The following TMEM59 variants were observed in gnomAD, a reference collection of about 807,000 sequenced individuals.
TMEM59 encodes the protein dendritic cell factor 1.
Under a neutral mutation model 42.2 loss-of-function variants are expected in TMEM59, and 44 were observed. That is an observed-to-expected ratio of 1.04 (90% CI 0.82 to 1.34). The LOEUF is 1.34. TMEM59 is among the 40% of genes most tolerant of loss of function. The pLI, the probability that TMEM59 is intolerant of heterozygous loss-of-function variation, is 0.00. For missense variants in TMEM59, 359 were observed against 382.8 expected, an observed-to-expected ratio of 0.94 and a Z score of 0.52; for synonymous variants, 148 against 145.8, an observed-to-expected ratio of 1.02 and a Z score of -0.11.
chr1:54,029,800 T>C lies in TMEM59; in HGVS notation c.*2350A>G, dbSNP rs953022519. On this transcript the variant is annotated 3_prime_UTR_variant, in exon 8 of 8. Coordinates refer to ENST00000234831, the MANE Select transcript of TMEM59 (RefSeq NM_004872.5). Reference sequence around the variant, plus strand: ...ATATTTCCCATTATCTCAATCTTTATCACTGTACGTACCCTGACCCTAGAC... The same window carrying C: ...ATATTTCCCATTATCTCAATCTTTACCACTGTACGTACCCTGACCCTAGAC... 7.9e-5 allele frequency: 12 copies of C among 152,182 alleles called. No individual in the cohort carries two copies. Among genetic ancestry groups the C allele is most frequent in the African/African-American group, 2.9e-4 (12 of 41,434 alleles). The allele number at this position is 152,182 out of a possible 1,614,324, so 9.4% of individuals were successfully genotyped here.
intron 6 of TMEM59, among the ~76,000 whole-genome samples, chr1:54,038,003 T>G (rs1179631581): frequency 6.6e-6 from 1 of 152,182 alleles, no homozygotes; most frequent in Non-Finnish European, 1.5e-5. Context: ...CTACAGATTT[T>G]CAACTATCTC....
chr1:54,036,805 C>T (rs1656969376), intron 6 of TMEM59, 87 bp from the exon 7 acceptor site: 1 of 778,144 alleles, frequency 1.3e-6, no homozygotes, highest in Non-Finnish European at 2.0e-6. Context: ...GTACTTAGCT[C>T]AACAGTACAA....
chr1:54,034,269 C>G (rs1263394027), intron 7 of TMEM59: 1 of 152,366 alleles, frequency 6.6e-6, no homozygotes, highest in Non-Finnish European at 1.5e-5. Context: ...GGTGGTGCAG[C>G]TGCTGCTGCT....
intron 4 of TMEM59, among the ~76,000 whole-genome samples, chr1:54,042,988 A>G (rs917665220): frequency 6.6e-5 from 10 of 152,324 alleles, no homozygotes; most frequent in Admixed American, 3.3e-4. Flanking sequence ...AAAGCACTGT[A>G]AAAAACTAAA....
In TMEM59 at chr1:54,031,966, C is replaced by T. The variant is rs1569928990; in HGVS notation, c.*184G>A. The T allele has an allele frequency of 2.1e-6, 1 of 484,328 alleles. No homozygotes were observed. Among genetic ancestry groups the T allele is most frequent in the East Asian group, 3.3e-5 (1 of 30,046 alleles). 30.0% of individuals were successfully genotyped at this position (484,328 alleles called of 1,614,324 possible). On this transcript the variant is annotated 3_prime_UTR_variant, in exon 8 of 8. Transcript: ENST00000234831. ...ATAATACAATCCCAAACATCCACCT[C>T]TTAAATTACTACAAAAACAATACCA...
At chr1:54,050,857 C>T (rs562151567) in intron 1 of TMEM59, among the ~76,000 whole-genome samples, 2 of 151,920 alleles carry the variant, frequency 1.3e-5, no homozygotes, top group South Asian at 2.1e-4. Flanking sequence ...CCACCGCGCC[C>T]GGCATTTTTT....
chr1:54,028,116 T>C lies in TMEM59; in HGVS notation c.*4034A>G, dbSNP rs1425537350. The C allele has an allele frequency of 1.3e-5, 2 of 151,900 alleles. No individual in the cohort carries two copies. The highest frequency in any genetic ancestry group is 4.8e-5 in the African/African-American group (2 of 41,302). 9.4% of individuals were successfully genotyped at this position (151,900 alleles called of 1,614,324 possible). A position where few individuals can be genotyped will look rare whatever the true frequency, so the allele number is the denominator to read the frequency against. Reference sequence around the variant, plus strand: ...CTTCCTAGAGACTGGTTGGCAAACGTAGAATTAAGAGGATGGTGATAAGAA... The same window carrying C: ...CTTCCTAGAGACTGGTTGGCAAACGCAGAATTAAGAGGATGGTGATAAGAA... On this transcript the variant is annotated 3_prime_UTR_variant, in exon 8 of 8. Transcript: ENST00000234831.
At chr1:54,051,096 C>T (rs916522164) in intron 1 of TMEM59, among the ~76,000 whole-genome samples, 1 of 151,952 alleles carries the variant, frequency 6.6e-6, no homozygotes, top group Admixed American at 6.6e-5. Flanking sequence ...CTGAGGTGAT[C>T]CACCCACCTC....
intron 1 of TMEM59, among the ~76,000 whole-genome samples, chr1:54,052,789 C>A (rs1489971845): frequency 6.6e-6 from 1 of 152,192 alleles, no homozygotes; most frequent in Non-Finnish European, 1.5e-5. Context: ...TGTCCCCCAG[C>A]CTATCACAGG....
Position 54,032,243 on chromosome 1 carries a change from A to T in TMEM59, c.879T>A (p.Ala293=). The T allele has an allele frequency of 6.2e-7, 1 of 1,613,260 alleles. No individual in the cohort carries two copies. The highest frequency in any genetic ancestry group is 8.5e-7 in the Non-Finnish European group (1 of 1,179,588). ...MNEQKLNRYP[A]SSLVVVRSKT... ...TAGATCTAACAACCACAAGAGAAGA[A>T]GCTGGATATCTGTTTAGCTTTTGTT... The change falls in exon 8 of 8, where the codon GCT becomes GCA. Residue 293 remains alanine, a synonymous_variant. Coordinates refer to ENST00000234831, the MANE Select transcript of TMEM59 (RefSeq NM_004872.5).
intron 1 of TMEM59, among the ~76,000 whole-genome samples, chr1:54,049,824 A>AT (rs1657468263): frequency 6.6e-6 from 1 of 152,190 alleles, no homozygotes; most frequent in South Asian, 2.1e-4. Flanking sequence ...ATTATTTTAA[A>AT]TTAAAAAATA....
At chr1:54,046,292 A>G (rs1456310320) in intron 2 of TMEM59, among the ~76,000 whole-genome samples, 1 of 152,234 alleles carries the variant, frequency 6.6e-6, no homozygotes, top group Non-Finnish European at 1.5e-5. Flanking sequence ...CTCAGTTAAG[A>G]AGTAAGGGTA....
At chr1:54,045,481 G>A (rs1657297596) in intron 3 of TMEM59, 5 of 486,546 alleles carry the variant, frequency 1.0e-5, no homozygotes, top group South Asian at 7.7e-5. Context: ...AACAAAATAA[G>A]ATTATGAACG....
At chr1:54,046,064 G>GA (rs1208075946) in intron 2 of TMEM59, among the ~76,000 whole-genome samples, 7 of 152,140 alleles carry the variant, frequency 4.6e-5, no homozygotes, top group Non-Finnish European at 8.8e-5. Context: ...TTGTGTGGTG[G>GA]AAAATGCACT....
chr1:54,026,858 A>C lies in TMEM59; in HGVS notation c.*5292T>G, dbSNP rs1656615286. 6.6e-6 allele frequency: 1 copy of C among 152,218 alleles called. No individual in the cohort carries two copies. The highest frequency in any genetic ancestry group is 6.5e-5 in the Admixed American group (1 of 15,278). 9.4% of individuals were successfully genotyped at this position (152,218 alleles called of 1,614,324 possible). A position where few individuals can be genotyped will look rare whatever the true frequency, so the allele number is the denominator to read the frequency against. On this transcript the variant is annotated 3_prime_UTR_variant, in exon 8 of 8. Transcript: ENST00000234831. ...TCAGGTGCTGATTTTTTTCCACCCA[A>C]GTCTTCAATTATTACTGTTCTAACA... is the stretch of plus-strand genomic sequence containing the variant.
chr1:54,038,879 G>A (rs111446552), intron 6 of TMEM59, among the ~76,000 whole-genome samples: 2 of 152,142 alleles, frequency 1.3e-5, no homozygotes, highest in Non-Finnish European at 2.9e-5. Context: ...AGACAGTCTC[G>A]CTTTGTCACT....
At chr1:54,053,444 C>T, upstream of TMEM59, 1 of 509,218 alleles carries the variant, frequency 2.0e-6, no homozygotes, top group South Asian at 2.6e-5. Context: ...GGCCTCCTGA[C>T]TTCTTCCCTT....
chr1:54,035,803 A>G (rs1347500754), intron 7 of TMEM59, among the ~76,000 whole-genome samples: 1 of 152,090 alleles, frequency 6.6e-6, no homozygotes, highest in Admixed American at 6.5e-5. Context: ...TCATAGAGAC[A>G]GGATCTCATC....
chr1:54,047,114 A>C (rs1657365509), intron 2 of TMEM59, among the ~76,000 whole-genome samples, 153 bp downstream of exon 2: 1 of 152,250 alleles, frequency 6.6e-6, no homozygotes, highest in Non-Finnish European at 1.5e-5. Context: ...TTCTAGCAGC[A>C]GCTACGAAAA....
Sources: allele counts gnomAD v4.1 joint callset (sites outside exome capture counted in the v4.1 genomes callset), GRCh38; gene constraint gnomAD v4.1.1; transcripts MANE v1.5; gene names NCBI Gene and HGNC (gene_info 2026-07-23, HGNC 2026-07-21).